Variants in PTPRN2 observed in about 807,000 individuals in gnomAD.
The protein encoded by PTPRN2 is receptor-type tyrosine-protein phosphatase N2.
Under a neutral mutation model 118.8 loss-of-function variants are expected in PTPRN2, and 74 were observed. The observed-to-expected ratio is 0.62, with a 90% CI of 0.52 to 0.76. The LOEUF (loss-of-function observed/expected upper bound fraction) is 0.76. Among genes scored for constraint, PTPRN2 ranks in the 30% least tolerant of loss-of-function variants. The pLI, the probability that PTPRN2 is intolerant of heterozygous loss-of-function variation, is 0.00. For synonymous variants in PTPRN2, 641 were observed against 608.0 expected (o/e 1.05, Z -0.80); for missense variants, 1,481 against 1,394.4 (o/e 1.06, Z -0.99).
At position 157,611,404 on chromosome 7, in the gene PTPRN2, G is replaced by A. The variant is rs544886391; in HGVS notation, c.2345-7329C>T. ...AGGAACTCCCCAGGCAGGGCTATGC[G>A]GGGGCAGAATGCAGGGGGAACAGAC... On this transcript the variant is annotated intron_variant, in intron 15 of 22. Coordinates refer to ENST00000389418, the MANE Select transcript of PTPRN2 (RefSeq NM_002847.5). This position sits in a 1 kb window ranked among gnomAD's most constrained non-coding sequence, Gnocchi z 5.9. Among the ~76,000 whole-genome samples the A allele has an allele frequency of 4.6e-5, 7 of 152,188 alleles. No homozygotes were observed. Among genetic ancestry groups the A allele is most frequent in the South Asian group, 2.1e-4 (1 of 4,822 alleles).
chr7:158,323,222 C>T (rs937435696), intron 2 of PTPRN2, among the ~76,000 whole-genome samples: 2 of 152,214 alleles, frequency 1.3e-5, no homozygotes, highest in African/African-American at 4.8e-5. Context: ...ATATCAGGGA[C>T]TCAACGAACT....
chr7:157,608,280 G>A (rs950030967), intron 15 of PTPRN2, among the ~76,000 whole-genome samples: 2 of 152,052 alleles, frequency 1.3e-5, no homozygotes, highest in African/African-American at 4.8e-5. Flanking sequence ...GTTGGCCAGG[G>A]TGGTCTCAAA....
chr7:157,898,406 C>G (rs557618946), intron 12 of PTPRN2, among the ~76,000 whole-genome samples: 2 of 152,188 alleles, frequency 1.3e-5, no homozygotes, highest in African/African-American at 4.8e-5. Context: ...AAGGCTTCTC[C>G]GTTCTTCTTA....
At chr7:157,992,481 C>A (rs1196251289) in intron 11 of PTPRN2, among the ~76,000 whole-genome samples, 1 of 152,220 alleles carries the variant, frequency 6.6e-6, no homozygotes, top group African/African-American at 2.4e-5. Flanking sequence ...CCACCTCATT[C>A]TAACAGGAGG....
intron 12 of PTPRN2, among the ~76,000 whole-genome samples, chr7:157,799,007 C>T (rs962695740): frequency 6.6e-6 from 1 of 152,220 alleles, no homozygotes; most frequent in Non-Finnish European, 1.5e-5. Flanking sequence ...TAGGGTGCTG[C>T]CCCCTCCTCC....
chr7:158,558,212 C>G lies in PTPRN2; in HGVS notation c.112+29346G>C, dbSNP rs111738494. Among the ~76,000 whole-genome samples, 804 of 152,262 alleles carry G rather than the reference C, an allele frequency of 5.3e-3. 4 individuals carry two copies. Among genetic ancestry groups the G allele is most frequent in the African/African-American group, 0.018 (768 of 41,542 alleles). On this transcript the variant is annotated intron_variant, in intron 1 of 22. Coordinates refer to ENST00000389418, the MANE Select transcript of PTPRN2 (RefSeq NM_002847.5). ...TGTTGCCCAGCCTGGTCTTGAACTC[C>G]TGGCCTCAAGCAATCCTCCCACCTC...
chr7:158,583,071 T>G (rs893020949), intron 1 of PTPRN2, among the ~76,000 whole-genome samples: 2 of 152,184 alleles, frequency 1.3e-5, no homozygotes, highest in Non-Finnish European at 2.9e-5. Flanking sequence ...TATGTCTCCT[T>G]GAGGCTTCAC....
chr7:158,228,360 C>A (rs1828951160), intron 3 of PTPRN2, among the ~76,000 whole-genome samples: 1 of 152,110 alleles, frequency 6.6e-6, no homozygotes, highest in Admixed American at 6.5e-5. Flanking sequence ...GAAGGAAGAT[C>A]CCAAAGAAGA....
chr7:157,766,836 G>T (rs571220376), intron 12 of PTPRN2, among the ~76,000 whole-genome samples: 1 of 152,196 alleles, frequency 6.6e-6, no homozygotes, highest in African/African-American at 2.4e-5. Flanking sequence ...GGCTACCTCC[G>T]TTGGGGCCTT....
In PTPRN2 at chr7:158,309,652, G is replaced by A. The variant is rs187607855; in HGVS notation, c.277+7167C>T. Among the ~76,000 whole-genome samples the A allele has an allele frequency of 4.1e-4, 62 of 152,140 alleles. No individual in the cohort carries two copies. In the East Asian group the frequency reaches 9.1e-3, roughly 22 times the overall value. ...AAATACGGACATAAAAATTCTCAAC[G>A]AAACACTAAGATACTAAATCCAGAA... is the stretch of plus-strand genomic sequence containing the variant. On this transcript the variant is annotated intron_variant, in intron 3 of 22. Coordinates refer to ENST00000389418, the MANE Select transcript of PTPRN2 (RefSeq NM_002847.5).
intron 3 of PTPRN2, among the ~76,000 whole-genome samples, chr7:158,260,911 T>C (rs1285040043): frequency 6.6e-6 from 1 of 152,058 alleles, no homozygotes; most frequent in Non-Finnish European, 1.5e-5. Flanking sequence ...GCTCCTAATG[T>C]CTCAGGAGAG....
chr7:158,052,503 CCT>C (rs1809404432), intron 11 of PTPRN2, among the ~76,000 whole-genome samples: 1 of 152,214 alleles, frequency 6.6e-6, no homozygotes, highest in Non-Finnish European at 1.5e-5. Context: ...CTGGGGAAGC[CCT>C]GAGTCTCCGC....
chr7:157,913,809 G>A (rs1163149072), intron 11 of PTPRN2, among the ~76,000 whole-genome samples: 1 of 152,158 alleles, frequency 6.6e-6, no homozygotes, highest in Non-Finnish European at 1.5e-5. Context: ...TCCCTGTACT[G>A]TAATTACTGA....
chr7:158,012,543 G>GGCCCT (rs1806126928), intron 11 of PTPRN2, among the ~76,000 whole-genome samples: 1 of 152,218 alleles, frequency 6.6e-6, no homozygotes, highest in Non-Finnish European at 1.5e-5. Context: ...CATGGGCAGT[G>GGCCCT]GCCCTGGACT....
intron 12 of PTPRN2, among the ~76,000 whole-genome samples, chr7:157,875,687 C>T (rs903233531): frequency 6.6e-6 from 1 of 152,194 alleles, no homozygotes; most frequent in Non-Finnish European, 1.5e-5. Context: ...GCACCTTGGG[C>T]CTCGGGGGTC....
intron 11 of PTPRN2, among the ~76,000 whole-genome samples, chr7:158,011,378 A>G (rs1310893534): frequency 1.3e-5 from 2 of 152,346 alleles, no homozygotes; most frequent in South Asian, 2.1e-4. Flanking sequence ...TTTAACAAAT[A>G]CCAATGGCCT....
At chr7:158,268,855 A>G (rs2004590) in intron 3 of PTPRN2, among the ~76,000 whole-genome samples, 25,034 of 87,964 alleles carry the variant, frequency 0.28, 5,744 homozygotes, top group African/African-American at 0.49. Flanking sequence ...CCAGCCGCAC[A>G]CACACAGGGC....
At chr7:157,689,852 TCGCCGCC>T (rs1797385738) in intron 12 of PTPRN2, among the ~76,000 whole-genome samples, 1 of 151,662 alleles carries the variant, frequency 6.6e-6, no homozygotes, top group South Asian at 2.1e-4. Flanking sequence ...TCCCTGCAAT[TCGCCGCC>T]CGCTGGGATA....
chr7:157,772,736 G>C (rs1048935497), intron 12 of PTPRN2, among the ~76,000 whole-genome samples: 1 of 152,222 alleles, frequency 6.6e-6, no homozygotes, highest in Non-Finnish European at 1.5e-5. Context: ...GGACCCCTGT[G>C]GGGGGTGGGA....
Sources: allele counts gnomAD v4.1 joint callset (sites outside exome capture counted in the v4.1 genomes callset), GRCh38; gene constraint gnomAD v4.1.1; non-coding constraint Gnocchi (gnomAD v3.1); transcripts MANE v1.5; gene names NCBI Gene and HGNC (gene_info 2026-07-23, HGNC 2026-07-21).